Variants in SAMD12 observed in about 807,000 individuals in gnomAD.
SAMD12 encodes the protein sterile alpha motif domain containing 12, also known as sterile alpha motif domain-containing protein 12.
Under a neutral mutation model 15.0 loss-of-function variants are expected in SAMD12, and 9 were observed. The observed-to-expected ratio is 0.60, with a 90% CI of 0.36 to 1.05. The LOEUF (loss-of-function observed/expected upper bound fraction) is 1.05, where lower values mean the gene tolerates loss of function less well. SAMD12 is among the 50% of genes least tolerant of loss of function. The pLI is 0.01. For synonymous variants in SAMD12, 86 were observed against 90.1 expected, an observed-to-expected ratio of 0.96 and a Z score of 0.25; for missense variants, 230 against 234.2, an observed-to-expected ratio of 0.98 and a Z score of 0.12.
the SAMD12 span, among the ~76,000 whole-genome samples, chr8:118,151,760 G>A: frequency 6.6e-6 from 1 of 151,376 alleles, no homozygotes; most frequent in Admixed American, 6.6e-5. Context: ...AACCCGGGAA[G>A]CAGAGCTTGC....
At chr8:118,443,999 G>A (rs968427991) in intron 2 of SAMD12, among the ~76,000 whole-genome samples, 1 of 152,070 alleles carries the variant, frequency 6.6e-6, no homozygotes, top group African/African-American at 2.4e-5. Context: ...CAATGCCTTC[G>A]ACCGCCTCGT....
chr8:118,176,053 G>A, the SAMD12 span, among the ~76,000 whole-genome samples: 3 of 152,328 alleles, frequency 2.0e-5, no homozygotes, highest in Admixed American at 1.3e-4. Flanking sequence ...TGCAATCCCA[G>A]CGCTTTGGGA....
chr8:118,164,695 T>G, the SAMD12 span, among the ~76,000 whole-genome samples: 81 of 152,034 alleles, frequency 5.3e-4, no homozygotes, highest in African/African-American at 1.8e-3. Context: ...ATAGGCAATT[T>G]TTTTTTTTAA....
At chr8:118,572,585 C>T (rs767276098) in intron 2 of SAMD12, among the ~76,000 whole-genome samples, 22 of 151,932 alleles carry the variant, frequency 1.4e-4, no homozygotes, top group African/African-American at 3.1e-4. Flanking sequence ...ATAAGTCTCA[C>T]GAGACCTGAT....
At chr8:118,160,012 G>A in the SAMD12 span, among the ~76,000 whole-genome samples, 57 of 152,102 alleles carry the variant, frequency 3.7e-4, no homozygotes, top group African/African-American at 1.3e-3. Context: ...GAGCCACTGC[G>A]CCCGGCCCAT....
At chr8:118,458,614 C>T (rs1411219392) in intron 2 of SAMD12, among the ~76,000 whole-genome samples, 1 of 152,174 alleles carries the variant, frequency 6.6e-6, no homozygotes, top group Non-Finnish European at 1.5e-5. Flanking sequence ...TCCTCCATTA[C>T]ATTATTTTTC....
chr8:118,355,323 G>A (rs1234556882), intron 4 of SAMD12, among the ~76,000 whole-genome samples: 1 of 152,192 alleles, frequency 6.6e-6, no homozygotes, highest in Non-Finnish European at 1.5e-5. Flanking sequence ...ACTCATAAGT[G>A]GGAGCTAAGC....
chr8:118,613,453 G>A (rs972816725), intron 1 of SAMD12, among the ~76,000 whole-genome samples: 2 of 152,104 alleles, frequency 1.3e-5, no homozygotes, highest in African/African-American at 2.4e-5. Context: ...TATAACTTCA[G>A]CAACAGGACT....
rs1819885442 is a variant in SAMD12 at position 118,207,215 on chromosome 8, T to C, written c.434-9483A>G. ...AAGATGGCAAAGCCTCACCCAGCTT[T>C]ACAGCTCTCTTGAGCTAGAAGCCTG... On this transcript the variant is annotated intron_variant, in intron 4 of 4. Coordinates refer to the SAMD12 transcript ENST00000409003. 2.0e-5 allele frequency among the ~76,000 whole-genome samples: 3 copies of C among 152,372 alleles called. No individual in the cohort carries two copies. In the South Asian group the frequency reaches 6.2e-4, roughly 32 times the overall value.
intron 4 of SAMD12, among the ~76,000 whole-genome samples, chr8:118,370,323 T>C (rs190806493): frequency 2.0e-5 from 3 of 152,300 alleles, no homozygotes; most frequent in Admixed American, 2.0e-4. Context: ...GGAATGCTTT[T>C]ACACTGTTGG....
chr8:118,393,393 T>TAC (rs1478076406), intron 3 of SAMD12, among the ~76,000 whole-genome samples: 2 of 151,150 alleles, frequency 1.3e-5, no homozygotes, highest in South Asian at 2.1e-4. Flanking sequence ...TATATACATA[T>TAC]ATATATATAT....
At position 118,350,307 on chromosome 8, in the gene SAMD12, A is replaced by G. The variant is rs1817895125; in HGVS notation, c.433+29253T>C. Among the ~76,000 whole-genome samples the G allele has an allele frequency of 2.0e-5, 3 of 152,218 alleles. No individual in the cohort carries two copies. In the South Asian group the frequency reaches 6.2e-4, roughly 32 times the overall value. On this transcript the variant is annotated intron_variant, in intron 4 of 4. Coordinates refer to the SAMD12 transcript ENST00000409003. ...CTCTTCTAGCTGCTTCAATCACAGC[A>G]TTTACCTCATCATGCTGTGGTTTGT...
At chr8:118,384,088 A>AGGGGTGAG (rs1819821316) in intron 3 of SAMD12, among the ~76,000 whole-genome samples, 1 of 152,122 alleles carries the variant, frequency 6.6e-6, no homozygotes, top group South Asian at 2.1e-4. Context: ...GCCTCTCTGA[A>AGGGGTGAG]GGGGTGAGGC....
chr8:118,536,034 G>A lies in SAMD12; in HGVS notation c.192+44681C>T, dbSNP rs540384460. ...AATGCAGAAATCACCTGTCTTCTGCGTCGCTCACGCTGGGAGCTGTAGACT... is the reference window on the plus strand; with the variant it reads ...AATGCAGAAATCACCTGTCTTCTGCATCGCTCACGCTGGGAGCTGTAGACT... On this transcript the variant is annotated intron_variant, in intron 2 of 3. Transcript: ENST00000314727. Among the ~76,000 whole-genome samples the A allele has an allele frequency of 9.9e-5, 15 of 152,278 alleles. No homozygotes were observed. In the East Asian group the frequency reaches 1.4e-3, roughly 14 times the overall value.
chr8:118,409,720 T>TG (rs35599510), intron 3 of SAMD12, among the ~76,000 whole-genome samples: 52,548 of 151,836 alleles, frequency 0.35, 9,782 homozygotes, highest in African/African-American at 0.42. Flanking sequence ...CCTGGCTAAA[T>TG]GGCTTATAAT....
chr8:118,530,285 C>T (rs1488604216), intron 2 of SAMD12, among the ~76,000 whole-genome samples: 1 of 152,096 alleles, frequency 6.6e-6, no homozygotes, highest in Non-Finnish European at 1.5e-5. Flanking sequence ...CTGTGTGTCA[C>T]AGGGGTTTGG....
chr8:118,267,073 A>G (rs1208521469), intron 4 of SAMD12, among the ~76,000 whole-genome samples: 3 of 152,148 alleles, frequency 2.0e-5, no homozygotes, highest in East Asian at 1.9e-4. Flanking sequence ...ATATATCAAA[A>G]TATCATGCTG....
Position 118,379,943 on chromosome 8 carries a change from T to G in SAMD12, c.323-243A>C, listed in dbSNP as rs189825004. On this transcript the variant is annotated intron_variant, in intron 3 of 3. Transcript: ENST00000314727. ...TTGGGAAACCCCACTGACTCACACA[T>G]TCAGTTAGAATGTGTGACTCATACA... 2.4e-4 allele frequency among the ~76,000 whole-genome samples: 36 copies of G among 152,274 alleles called. 1 individual carries two copies. The highest frequency in any genetic ancestry group is 2.2e-3 in the Admixed American group (33 of 15,296).
At chr8:118,144,640 G>A in the SAMD12 span, among the ~76,000 whole-genome samples, 1 of 151,478 alleles carries the variant, frequency 6.6e-6, no homozygotes, top group Non-Finnish European at 1.5e-5. Flanking sequence ...AAAGGGGAGG[G>A]GAAAGAAAGA....
Sources: gnomAD v4.1 joint callset for allele counts (sites outside exome capture counted in the v4.1 genomes callset) on GRCh38, gnomAD v4.1.1 for gene constraint, MANE v1.5 for transcripts, NCBI Gene and HGNC (gene_info 2026-07-23, HGNC 2026-07-21) for gene names.